Variants in ARAP3 observed in about 807,000 individuals in gnomAD.
ARAP3 encodes the protein ArfGAP with RhoGAP domain, ankyrin repeat and PH domain 3.
ARAP3 carries 82 observed loss-of-function variants against 169.2 expected under a neutral mutation model. The ratio of observed to expected loss-of-function variants is 0.48; its 90% CI spans 0.41 to 0.58. ARAP3 has a LOEUF of 0.58. Among genes scored for constraint, ARAP3 ranks in the 20% least tolerant of loss-of-function variants. The pLI, the probability that ARAP3 is intolerant of heterozygous loss-of-function variation, is 0.00. For synonymous variants in ARAP3, 791 were observed against 800.3 expected, an observed-to-expected ratio of 0.99 and a Z score of 0.20; for missense variants, 1,764 against 2,018.0, an observed-to-expected ratio of 0.87 and a Z score of 2.41.
At position 141,679,794 on chromosome 5, in the gene ARAP3, G is replaced by C; in HGVS notation, c.553C>G (p.Pro185Ala). 1.2e-6 allele frequency: 2 copies of C among 1,613,482 alleles called. No homozygotes were observed. Among genetic ancestry groups the C allele is most frequent in the Non-Finnish European group, 1.7e-6 (2 of 1,179,852 alleles). Reference sequence around the variant, plus strand: ...GTTGTGGGCCTGAGGGCAGGGGTGGGGGCAGAGATTTGGGAGCTGTCTGGG... The same window carrying C: ...GTTGTGGGCCTGAGGGCAGGGGTGGCGGCAGAGATTTGGGAGCTGTCTGGG... ...KAPDSSQISA[P>A]TPALRPTTGT... Residue 185 changes from proline to alanine, a missense_variant, in exon 3 of 33, where the codon CCC becomes GCC. Physicochemically the swap from Pro to Ala is conservative, Grantham distance 27. This residue lies in a region of ARAP3 where 630 missense variants were observed against 678.7 expected (regional missense o/e 0.93). Transcript: ENST00000239440.
Position 141,672,439 on chromosome 5 carries a change from C to T in ARAP3, c.1385+113G>A. On this transcript the variant is annotated intron_variant, in intron 9 of 32. Coordinates refer to ENST00000239440, the MANE Select transcript of ARAP3 (RefSeq NM_022481.6). The surrounding 1 kb of genome is among the most constrained non-coding windows in gnomAD (Gnocchi z 4.9). ...TGACATCTTGACCTAGCTCACTGGA[C>T]TACCATCTGTGCATACCCTCTGACG... 2.0e-6 allele frequency: 3 copies of T among 1,473,554 alleles called. No individual in the cohort carries two copies. The highest frequency in any genetic ancestry group is 1.2e-5 in the South Asian group (1 of 80,126). 91.3% of individuals were successfully genotyped at this position (1,473,554 alleles called of 1,614,324 possible). A position where few individuals can be genotyped will look rare whatever the true frequency, so the allele number is the denominator to read the frequency against.
At chr5:141,655,781 G>C (rs1196386496) in intron 30 of ARAP3, 23 bp from the exon 31 acceptor site, 1 of 1,614,182 alleles carries the variant, frequency 6.2e-7, no homozygotes, top group East Asian at 2.2e-5. Flanking sequence ...TGAGGGGTTG[G>C]CATCAGTGGG....
At chr5:141,670,115 A>G (rs1210324515) in intron 14 of ARAP3, 52 bp from the exon 15 acceptor site, 3 of 1,570,936 alleles carry the variant, frequency 1.9e-6, no homozygotes, top group South Asian at 2.4e-5. Flanking sequence ...CCCCACTGTC[A>G]TAGTTCCAGT....
Position 141,672,648 on chromosome 5 carries a change from A to T in ARAP3, c.1289T>A (p.Leu430Gln). ...ALYKSEQAFS[L>Q]GIGICFIELQ... ...TTCGATGAAGCAGATCCCGATGCCCAGAGAGAAGGCCTGGTGGGGTCAGGG... is the reference window on the plus strand; with the variant it reads ...TTCGATGAAGCAGATCCCGATGCCCTGAGAGAAGGCCTGGTGGGGTCAGGG... Residue 430 changes from leucine to glutamine, a missense_variant, in exon 9 of 33, where the codon CTG becomes CAG. By Grantham distance (113) the Leu-to-Gln change is moderately radical. This residue lies in a region of ARAP3 where 630 missense variants were observed against 678.7 expected (regional missense o/e 0.93). Transcript: ENST00000239440. This position sits in a 1 kb window ranked among gnomAD's most constrained non-coding sequence, Gnocchi z 4.9. The T allele has an allele frequency of 6.2e-7, 1 of 1,613,826 alleles. No homozygotes were observed. Among genetic ancestry groups the T allele is most frequent in the Non-Finnish European group, 8.5e-7 (1 of 1,179,814 alleles).
At chr5:141,668,074 G>T (rs1299744323) in intron 16 of ARAP3, among the ~76,000 whole-genome samples, 1 of 151,630 alleles carries the variant, frequency 6.6e-6, no homozygotes, top group Non-Finnish European at 1.5e-5. Flanking sequence ...ATAAAAATGA[G>T]TTGCTAGAAA....
At chr5:141,680,552 T>C in intron 1 of ARAP3, 49 bp from the exon 2 acceptor site, 1 of 1,513,478 alleles carries the variant, frequency 6.6e-7, no homozygotes, top group Admixed American at 2.0e-5. Context: ...AGAATCCCCC[T>C]CTCTGCCCCA....
At chr5:141,665,431 T>C in intron 17 of ARAP3, 57 bp from the exon 18 acceptor site, 3 of 1,572,536 alleles carry the variant, frequency 1.9e-6, no homozygotes, top group Non-Finnish European at 2.6e-6. Context: ...TAGAGACTAT[T>C]ATTTATTAAA....
In ARAP3 at chr5:141,673,688, A is replaced by G; in HGVS notation, c.819T>C (p.Ile273=). The change falls in exon 5 of 33, where the codon ATT becomes ATC. Residue 273 remains isoleucine, a synonymous_variant. Transcript: ENST00000239440. ...TGAAGGAGAAGCTGGCATAGGGTGA[A>G]ATGAGGTCATCACTGGTCTCCTCTG... The part of the protein sequence containing the change: ...LETEETSDDL[I]SPYASFSFTA... 2 of 1,614,162 alleles carry G rather than the reference A, an allele frequency of 1.2e-6. No homozygotes were observed. Among genetic ancestry groups the G allele is most frequent in the Non-Finnish European group, 1.7e-6 (2 of 1,180,034 alleles).
Position 141,666,541 on chromosome 5 carries a change from G to C in ARAP3, c.2455C>G (p.Leu819Val). 6.3e-7 allele frequency: 1 copy of C among 1,597,444 alleles called. No individual in the cohort carries two copies. Among genetic ancestry groups the C allele is most frequent in the Non-Finnish European group, 8.5e-7 (1 of 1,172,754 alleles). ...SPSHTAPAPG[L>V]WLSGFGLLRG... ...AGGAGGCCAAACCCTGACAGCCAGA[G>C]ACCAGGGGCCGGGGCTGTATGGGAG... is the stretch of plus-strand genomic sequence containing the variant. Residue 819 changes from leucine to valine, a missense_variant, in exon 17 of 33, where the codon CTC (leucine) becomes GTC (valine). This residue lies in a region of ARAP3 where 1,112 missense variants were observed against 1,285.7 expected (regional missense o/e 0.86). Coordinates refer to ENST00000239440, the MANE Select transcript of ARAP3 (RefSeq NM_022481.6).
Position 141,658,136 on chromosome 5 carries a change from G to A in ARAP3, c.3526+229C>T, listed in dbSNP as rs183998350. On this transcript the variant is annotated intron_variant, in intron 25 of 32. Transcript: ENST00000239440. ...AAGAGGAAGAGAAGCTCCCTTTAAG[G>A]TAGAAGGTAAACTACGAGCTTGTGG... 2.0e-3 allele frequency among the ~76,000 whole-genome samples: 297 copies of A among 152,262 alleles called. 2 individuals are homozygous for A. Among genetic ancestry groups the A allele is most frequent in the African/African-American group, 6.5e-3 (272 of 41,550 alleles).
intron 4 of ARAP3, among the ~76,000 whole-genome samples, chr5:141,678,463 T>A (rs980350332): frequency 6.6e-6 from 1 of 152,164 alleles, no homozygotes; most frequent in Non-Finnish European, 1.5e-5. Flanking sequence ...CCTTCAAGTT[T>A]TTGATCAAAT....
At chr5:141,657,743 A>G (rs2099909432) in intron 25 of ARAP3, among the ~76,000 whole-genome samples, 1 of 152,210 alleles carries the variant, frequency 6.6e-6, no homozygotes, top group Non-Finnish European at 1.5e-5. Context: ...GGAGTCCCAG[A>G]GGACTCCCAG....
intron 4 of ARAP3, among the ~76,000 whole-genome samples, 158 bp from the exon 5 acceptor site, chr5:141,673,966 T>C (rs2099911809): frequency 6.9e-6 from 1 of 144,976 alleles, no homozygotes; most frequent in African/African-American, 2.5e-5. Context: ...CTTCTTTTTT[T>C]TTTTTTTTTT....
At chr5:141,673,959 C>CTT (rs10712701) in intron 4 of ARAP3, 151 bp from the exon 5 acceptor site, 5,363 of 362,492 alleles carry the variant, frequency 0.015, 35 homozygotes, top group South Asian at 0.044. Context: ...TTCTTTTCTT[C>CTT]TTTTTTTTTT....
chr5:141,669,649 T>C, intron 16 of ARAP3, 60 bp downstream of exon 16: 2 of 1,492,786 alleles, frequency 1.3e-6, no homozygotes, highest in South Asian at 1.1e-5. Context: ...GAGGAGAAGA[T>C]GGGAGCACGT....
At chr5:141,681,548 G>C (rs2099912974) in intron 1 of ARAP3, among the ~76,000 whole-genome samples, 1 of 151,982 alleles carries the variant, frequency 6.6e-6, no homozygotes, top group African/African-American at 2.4e-5. Flanking sequence ...CCTTGTCACT[G>C]TCCCTGCCCC....
chr5:141,679,990 CTT>C lies in ARAP3; in HGVS notation c.495_496del (p.Gly167GlnfsTer64). ...GTCCTGAGCTGCCTGTGCCCTGCCT[CTT>C]GAGTCCAGGCCGAAGTAGATGGAAT... On this transcript the variant is annotated frameshift_variant, in exon 2 of 33. Transcript: ENST00000239440. LOFTEE classifies it high-confidence loss of function. 1.2e-6 allele frequency: 2 copies of C among 1,614,240 alleles called. No individual in the cohort carries two copies. Among genetic ancestry groups the C allele is most frequent in the Non-Finnish European group, 1.7e-6 (2 of 1,180,046 alleles).
At chr5:141,669,852 G>T in intron 15 of ARAP3, 41 bp from the exon 16 acceptor site, 1 of 1,612,066 alleles carries the variant, frequency 6.2e-7, no homozygotes, top group Non-Finnish European at 8.5e-7. Context: ...TGGGACCAAT[G>T]AGAGGGCTGT....
rs79144175 is a variant in ARAP3 at position 141,672,029 on chromosome 5, T to A, written c.1586-49A>T. 1 of 1,613,846 alleles carries A rather than the reference T, an allele frequency of 6.2e-7. No homozygotes were observed. Among genetic ancestry groups the A allele is most frequent in the Admixed American group, 1.7e-5 (1 of 59,966 alleles). Reference sequence around the variant, plus strand: ...AGGGTGTGTGAGGGTGTGAGGGGCATGTGGCACGGGTACCCTGAGCCCTCT... The same window carrying A: ...AGGGTGTGTGAGGGTGTGAGGGGCAAGTGGCACGGGTACCCTGAGCCCTCT... On this transcript the variant is annotated intron_variant, in intron 10 of 32. Transcript: ENST00000239440. This position sits in a 1 kb window ranked among gnomAD's most constrained non-coding sequence, Gnocchi z 4.9.
Sources: allele counts gnomAD v4.1 joint callset (sites outside exome capture counted in the v4.1 genomes callset), GRCh38; gene constraint gnomAD v4.1.1; regional missense constraint gnomAD v4.1.1; non-coding constraint Gnocchi (gnomAD v3.1); transcripts MANE v1.5; gene names NCBI Gene and HGNC (gene_info 2026-07-23, HGNC 2026-07-21).